The following LOXL2 variants were observed in gnomAD, a reference collection of about 807,000 sequenced individuals.
The protein encoded by LOXL2 is lysyl oxidase homolog 2.
LOXL2 carries 70 observed loss-of-function variants against 93.0 expected under a neutral mutation model. The observed-to-expected ratio is 0.75, with a 90% confidence interval of 0.62 to 0.92. The LOEUF (loss-of-function observed/expected upper bound fraction) is 0.92. Ranked by LOEUF, LOXL2 falls within the 40% of genes least tolerant of loss-of-function variation. The pLI is 0.00. For synonymous variants in LOXL2, 438 were observed against 413.2 expected (o/e 1.06, Z -0.73); for missense variants, 973 against 1,054.9 (o/e 0.92, Z 1.08).
At chr8:23,311,051 CT>C (rs1401708404) in intron 9 of LOXL2, among the ~76,000 whole-genome samples, 2 of 152,118 alleles carry the variant, frequency 1.3e-5, no homozygotes, top group Non-Finnish European at 2.9e-5. Context: ...TTTTTTCCCC[CT>C]AGACTGCTTT....
At chr8:23,304,121 G>A (rs991804845) in intron 10 of LOXL2, among the ~76,000 whole-genome samples, 2 of 149,904 alleles carry the variant, frequency 1.3e-5, no homozygotes, top group African/African-American at 5.1e-5. Context: ...TCATCCTCAG[G>A]GGCACACAGC....
At chr8:23,330,670 C>T (rs1370492479) in intron 5 of LOXL2, among the ~76,000 whole-genome samples, 5 of 152,150 alleles carry the variant, frequency 3.3e-5, no homozygotes, top group South Asian at 2.1e-4. Context: ...TGCTTTAAAC[C>T]GCACAGTAGA....
chr8:23,373,177 G>C (rs1804526114), intron 1 of LOXL2, among the ~76,000 whole-genome samples: 1 of 152,128 alleles, frequency 6.6e-6, no homozygotes, highest in South Asian at 2.1e-4. Context: ...AGAATTCATT[G>C]AGCTCCTACT....
At chr8:23,387,661 C>CT (rs964010299) in intron 1 of LOXL2, among the ~76,000 whole-genome samples, 1 of 152,128 alleles carries the variant, frequency 6.6e-6, no homozygotes, top group Non-Finnish European at 1.5e-5. Context: ...TTAAAAACAA[C>CT]TTTTTAGGCC....
At chr8:23,384,640 C>A (rs778806698) in intron 1 of LOXL2, among the ~76,000 whole-genome samples, 21 of 152,130 alleles carry the variant, frequency 1.4e-4, no homozygotes, top group Non-Finnish European at 1.0e-4. Flanking sequence ...AGCGGCCGGG[C>A]GTGGTAGTTC....
chr8:23,302,544 T>A (rs1251700721), intron 11 of LOXL2, among the ~76,000 whole-genome samples: 1 of 152,060 alleles, frequency 6.6e-6, no homozygotes, highest in African/African-American at 2.4e-5. Flanking sequence ...GATCGGCAAT[T>A]AGAGTGTAGG....
intron 3 of LOXL2, among the ~76,000 whole-genome samples, chr8:23,355,736 G>C (rs1804187012): frequency 6.7e-6 from 1 of 150,338 alleles, no homozygotes; most frequent in Non-Finnish European, 1.5e-5. Flanking sequence ...CAGCCTCCCA[G>C]GTAGCTGGGA....
intron 6 of LOXL2, among the ~76,000 whole-genome samples, chr8:23,323,400 C>T (rs567712301): frequency 9.2e-5 from 14 of 152,232 alleles, no homozygotes; most frequent in East Asian, 1.9e-4. Context: ...GGGAAGCCCT[C>T]GCTGTCTCCT....
chr8:23,302,278 C>G, intron 11 of LOXL2, 115 bp from the exon 12 acceptor site: 1 of 1,254,022 alleles, frequency 8.0e-7, no homozygotes, highest in Non-Finnish European at 1.1e-6. Flanking sequence ...CATCCCACCC[C>G]ACTGTGTGGG....
At chr8:23,364,263 G>A (rs1804358283) in intron 2 of LOXL2, 1 of 152,266 alleles carries the variant, frequency 6.6e-6, no homozygotes, top group Admixed American at 6.5e-5. Flanking sequence ...CTGCTGAAAA[G>A]CAGGGCGGTT....
chr8:23,300,251 T>C (rs924447690), intron 12 of LOXL2, among the ~76,000 whole-genome samples: 2 of 152,088 alleles, frequency 1.3e-5, no homozygotes, highest in African/African-American at 2.4e-5. Context: ...GAAATGTGTG[T>C]CCCCCACTGT....
At chr8:23,352,759 A>G (rs1434256850) in intron 3 of LOXL2, among the ~76,000 whole-genome samples, 1 of 151,970 alleles carries the variant, frequency 6.6e-6, no homozygotes, top group Non-Finnish European at 1.5e-5. Flanking sequence ...ATGGGGGACC[A>G]GGTTCTCCCC....
In LOXL2 at chr8:23,347,694, T is replaced by C. The variant is rs183130254; in HGVS notation, c.532-6491A>G. Among the ~76,000 whole-genome samples the C allele has an allele frequency of 5.9e-4, 89 of 151,924 alleles. No individual in the cohort carries two copies. The East Asian group carries it at 0.014, about 24-fold the overall frequency. On this transcript the variant is annotated intron_variant, in intron 3 of 13. Coordinates refer to ENST00000389131, the MANE Select transcript of LOXL2 (RefSeq NM_002318.3). ...AATAATAAAAACAAAACAGGCTGGGTGTGGTGGCTCACATCTATAATCCTC... is the reference window on the plus strand; with the variant it reads ...AATAATAAAAACAAAACAGGCTGGGCGTGGTGGCTCACATCTATAATCCTC...
chr8:23,380,175 A>T (rs568180125), intron 1 of LOXL2, among the ~76,000 whole-genome samples: 1 of 152,092 alleles, frequency 6.6e-6, no homozygotes, highest in South Asian at 2.1e-4. Context: ...CAGGCGGATC[A>T]CGAGGTCAAG....
chr8:23,368,201 C>CG lies in LOXL2; in HGVS notation c.150dup (p.Ala51ArgfsTer27). 6.2e-7 allele frequency: 1 copy of CG among 1,613,988 alleles called. No homozygotes were observed. Among genetic ancestry groups the CG allele is most frequent in the South Asian group, 1.1e-5 (1 of 91,082 alleles). ...CGCAGCTGAATCTTGGCCACGTTGG[C>CG]GGGGGCCTGGGGCTGGTGATACTCA... On this transcript the variant is annotated frameshift_variant, in exon 2 of 14. Transcript: ENST00000389131. LOFTEE classifies it high-confidence loss of function.
intron 6 of LOXL2, among the ~76,000 whole-genome samples, chr8:23,327,673 C>T (rs1269507227): frequency 1.3e-5 from 2 of 152,160 alleles, no homozygotes; most frequent in African/African-American, 4.8e-5. Context: ...AAATCTCCCC[C>T]TGTTGAATGA....
intron 11 of LOXL2, 85 bp from the exon 12 acceptor site, chr8:23,302,248 G>T: frequency 6.4e-7 from 1 of 1,552,688 alleles, no homozygotes; most frequent in Non-Finnish European, 8.8e-7. Flanking sequence ...GGCCCCTACC[G>T]CTGCTTCATC....
chr8:23,304,264 G>T (rs992336717), intron 10 of LOXL2, among the ~76,000 whole-genome samples: 1 of 152,238 alleles, frequency 6.6e-6, no homozygotes, highest in Admixed American at 6.5e-5. Flanking sequence ...GAGGAATTGA[G>T]AACAGATGCA....
intron 1 of LOXL2, among the ~76,000 whole-genome samples, chr8:23,401,587 G>A (rs1800152096): frequency 6.7e-6 from 1 of 149,192 alleles, no homozygotes; most frequent in African/African-American, 2.4e-5. Flanking sequence ...AAGCTTATGA[G>A]GCATCATTAT....
Sources: allele counts gnomAD v4.1 joint callset (sites outside exome capture counted in the v4.1 genomes callset), GRCh38; gene constraint gnomAD v4.1.1; transcripts MANE v1.5; gene names NCBI Gene and HGNC (gene_info 2026-07-23, HGNC 2026-07-21).